COL20A1: variants seen among roughly 807,000 people sequenced by gnomAD.
COL20A1 encodes the protein collagen alpha-1(XX) chain.
A neutral mutation model predicts 152.9 loss-of-function variants in COL20A1; 164 were observed. That is an observed-to-expected ratio of 1.07 (90% confidence interval 0.94 to 1.22). The LOEUF (loss-of-function observed/expected upper bound fraction) is 1.22, where lower values mean the gene tolerates loss of function less well. Among genes scored for constraint, COL20A1 ranks in the 50% most tolerant of loss-of-function variants. COL20A1 has a pLI of 0.00. For synonymous variants in COL20A1, 864 were observed against 756.0 expected (o/e 1.14, Z -2.34); for missense variants, 1,873 against 1,744.8 (o/e 1.07, Z -1.31).
Position 63,319,571 on chromosome 20 carries a change from A to T in COL20A1, c.2891A>T (p.Lys964Met), listed in dbSNP as rs1601431746. 6.3e-7 allele frequency: 1 copy of T among 1,590,456 alleles called. No individual in the cohort carries two copies. Among genetic ancestry groups the T allele is most frequent in the Non-Finnish European group, 8.6e-7 (1 of 1,169,172 alleles). The change falls in exon 23 of 36, where the codon AAG (lysine) becomes ATG (methionine). Residue 964 changes from lysine to methionine, a missense_variant. By Grantham distance (95) the Lys-to-Met change is moderately conservative. Coordinates refer to ENST00000358894, the MANE Select transcript of COL20A1 (RefSeq NM_020882.4). This position sits in a 1 kb window ranked among gnomAD's most constrained non-coding sequence, Gnocchi z 4.4. ...EATFDPQEVR[K>M]IFFGSFHKVH... ...ACCTTCGACCCGCAGGAAGTGAGGA[A>T]GATTTTCTTCGGGAGCTTCCACAAG... is the stretch of plus-strand genomic sequence containing the variant.
intron 3 of COL20A1, among the ~76,000 whole-genome samples, chr20:63,301,456 A>T (rs758599833): frequency 6.6e-5 from 10 of 152,164 alleles, no homozygotes; most frequent in Non-Finnish European, 1.0e-4. Context: ...TATTTTTCAG[A>T]TTTTTTATAT....
chr20:63,294,510 G>A (rs982738799), intron 1 of COL20A1, among the ~76,000 whole-genome samples: 1 of 151,906 alleles, frequency 6.6e-6, no homozygotes, highest in Non-Finnish European at 1.5e-5. Flanking sequence ...TCCCTGTCTC[G>A]GCCTCAGAGC....
chr20:63,299,880 A>G (rs916536493), intron 3 of COL20A1, among the ~76,000 whole-genome samples: 4 of 151,624 alleles, frequency 2.6e-5, no homozygotes, highest in Admixed American at 2.6e-4. Context: ...GTGTGTATAT[A>G]TATATGTACG....
In COL20A1 at chr20:63,305,626, G is replaced by T; in HGVS notation, c.337+66G>T. ...GCCGGGTCCCACCCTCCTCTGGGCT[G>T]GGGTCCCACCCTCCTCCAGGCTGCG... On this transcript the variant is annotated intron_variant, in intron 4 of 35. Coordinates refer to ENST00000358894, the MANE Select transcript of COL20A1 (RefSeq NM_020882.4). This position sits in a 1 kb window ranked among gnomAD's most constrained non-coding sequence, Gnocchi z 4.9. 6.7e-7 allele frequency: 1 copy of T among 1,496,392 alleles called. No homozygotes were observed. The allele number at this position is 1,496,392 out of a possible 1,614,324, so 92.7% of individuals were successfully genotyped here.
At chr20:63,297,225 TGGG>T (rs567054356) in intron 2 of COL20A1, among the ~76,000 whole-genome samples, 1 of 152,046 alleles carries the variant, frequency 6.6e-6, no homozygotes, top group Non-Finnish European at 1.5e-5. Context: ...CCACTTGTCC[TGGG>T]GACCCAGCCC....
In COL20A1 at chr20:63,330,801, G is replaced by A. The variant is rs1363121300; in HGVS notation, c.*85G>A. On this transcript the variant is annotated 3_prime_UTR_variant, in exon 36 of 36. Transcript: ENST00000358894. Reference sequence around the variant, plus strand: ...ACACCGAGAGCGACCACATCCTGGAGAAGCCAGGAGAAAAGCTCAGGAAGA... The same window carrying A: ...ACACCGAGAGCGACCACATCCTGGAAAAGCCAGGAGAAAAGCTCAGGAAGA... 6.6e-6 allele frequency: 1 copy of A among 152,238 alleles called. No individual in the cohort carries two copies. The highest frequency in any genetic ancestry group is 1.5e-5 in the Non-Finnish European group (1 of 68,108). 9.4% of individuals were successfully genotyped at this position (152,238 alleles called of 1,614,324 possible).
chr20:63,300,772 T>C (rs527405917), intron 3 of COL20A1, among the ~76,000 whole-genome samples: 7 of 152,350 alleles, frequency 4.6e-5, no homozygotes, highest in South Asian at 4.1e-4. Flanking sequence ...TTACAAGATA[T>C]AAAGTTAAAA....
intron 2 of COL20A1, 59 bp downstream of exon 2, chr20:63,295,248 C>A: frequency 1.7e-6 from 2 of 1,188,472 alleles, no homozygotes; most frequent in Non-Finnish European, 2.4e-6. Context: ...CCCACCAGTG[C>A]CCACGCGGGA....
rs1051525243 is a variant in COL20A1, at chr20:63,316,760, G to T, written c.2663+69G>T. The T allele has an allele frequency of 6.0e-5, 85 of 1,408,214 alleles. No individual in the cohort carries two copies. The East Asian group carries it at 2.0e-3, about 33-fold the overall frequency. 87.2% of individuals were successfully genotyped at this position (1,408,214 alleles called of 1,614,324 possible). ...GGCCGCTGAAGATTAGGAGGACATG[G>T]TGGGGGGGCGGGCATGGGCCGGAGA... On this transcript the variant is annotated intron_variant, in intron 21 of 35. Transcript: ENST00000358894.
intron 8 of COL20A1, 30 bp downstream of exon 8, chr20:63,308,736 G>C (rs778486291): frequency 1.3e-6 from 2 of 1,544,898 alleles, no homozygotes; most frequent in Non-Finnish European, 1.8e-6. Context: ...CCCGGCCCTG[G>C]AGTCTCACCG....
chr20:63,313,691 T>C lies in COL20A1; in HGVS notation c.2210-52T>C. ...GGCAGCTGGTCCTCTGGCCACCGGG[T>C]GCCTCCTTTCTGGAGGGGCCTGAGC... On this transcript the variant is annotated intron_variant, in intron 17 of 35. Transcript: ENST00000358894. The surrounding 1 kb of genome is among the most constrained non-coding windows in gnomAD (Gnocchi z 5.9). The C allele has an allele frequency of 6.7e-7, 1 of 1,493,960 alleles. No individual in the cohort carries two copies. The highest frequency in any genetic ancestry group is 8.9e-7 in the Non-Finnish European group (1 of 1,123,756). The allele number at this position is 1,493,960 out of a possible 1,614,324, so 92.5% of individuals were successfully genotyped here. A position where few individuals can be genotyped will look rare whatever the true frequency, so the allele number is the denominator to read the frequency against.
intron 3 of COL20A1, among the ~76,000 whole-genome samples, chr20:63,298,536 C>G (rs575400074): frequency 5.3e-4 from 81 of 152,274 alleles, no homozygotes; most frequent in African/African-American, 1.9e-3. Context: ...GATCCGCCCC[C>G]CTCAGCCTCT....
intron 11 of COL20A1, 78 bp downstream of exon 11, chr20:63,310,588 A>G (rs2067992554): frequency 1.4e-6 from 2 of 1,427,046 alleles, no homozygotes; most frequent in Admixed American, 2.2e-5. Context: ...CTGACACCCC[A>G]GGGCAGCATA....
chr20:63,293,883 A>G (rs1601395121), intron 1 of COL20A1, among the ~76,000 whole-genome samples: 2 of 34,272 alleles, frequency 5.8e-5, no homozygotes, highest in African/African-American at 2.5e-4. Context: ...GGGGGCGTGT[A>G]TTGGGGGGGT....
intron 21 of COL20A1, 112 bp from the exon 22 acceptor site, chr20:63,318,946 G>T: frequency 2.4e-6 from 2 of 830,550 alleles, no homozygotes; most frequent in Non-Finnish European, 2.0e-6. Context: ...ATGACCCTCA[G>T]AGCAGCCTCA....
At chr20:63,309,305 C>A in intron 8 of COL20A1, 28 bp from the exon 9 acceptor site, 1 of 1,431,934 alleles carries the variant, frequency 7.0e-7, no homozygotes, top group Non-Finnish European at 9.2e-7. Context: ...CCAGTGCAGG[C>A]CAACCCCACC....
At position 63,311,791 on chromosome 20, in the gene COL20A1, C is replaced by T. The variant is rs749707503; in HGVS notation, c.1663+43C>T. 2.6e-6 allele frequency: 4 copies of T among 1,552,722 alleles called. No homozygotes were observed. In the South Asian group the frequency reaches 4.7e-5, roughly 18 times the overall value. On this transcript the variant is annotated intron_variant, in intron 13 of 35. Coordinates refer to ENST00000358894, the MANE Select transcript of COL20A1 (RefSeq NM_020882.4). This position sits in a 1 kb window ranked among gnomAD's most constrained non-coding sequence, Gnocchi z 4.4. ...GGCTGCCTGCCCACAGGCGGGTGCC[C>T]CATCTTGTTCCTCAGCCTTCCATGG...
At position 63,320,236 on chromosome 20, in the gene COL20A1, G is replaced by C. The variant is rs945135327; in HGVS notation, c.3075+39G>C. On this transcript the variant is annotated intron_variant, in intron 24 of 35. Transcript: ENST00000358894. ...TGCCCACCTGCTGGGCCACGCTGGT[G>C]GGGGCTGGCAGCCTCTCTGAGCCCC... 1.3e-5 allele frequency: 21 copies of C among 1,603,556 alleles called. No individual in the cohort carries two copies. In the Admixed American group the frequency reaches 2.5e-4, roughly 19 times the overall value.
chr20:63,321,479 C>A (rs1206445747), intron 26 of COL20A1, among the ~76,000 whole-genome samples: 1 of 152,242 alleles, frequency 6.6e-6, no homozygotes, highest in Admixed American at 6.5e-5. Flanking sequence ...TGGGACGGAT[C>A]CAGGCGCAAC....
Sources: gnomAD v4.1 joint callset for allele counts (sites outside exome capture counted in the v4.1 genomes callset) on GRCh38, gnomAD v4.1.1 for gene constraint, Gnocchi (gnomAD v3.1) non-coding constraint, MANE v1.5 for transcripts, NCBI Gene and HGNC (gene_info 2026-07-23, HGNC 2026-07-21) for gene names.